The following GRIK4 variants were observed in gnomAD, a reference collection of about 807,000 sequenced individuals.
GRIK4 encodes glutamate receptor ionotropic, kainate 4.
In GRIK4, 40 loss-of-function variants were observed where a neutral mutation model predicts 104.9. The observed-to-expected ratio is 0.38, with a 90% confidence interval of 0.30 to 0.50. The LOEUF is 0.50. Ranked by LOEUF, GRIK4 falls within the 20% of genes least tolerant of loss-of-function variation. The pLI is 0.93. For missense variants in GRIK4, 1,047 were observed against 1,308.1 expected, an observed-to-expected ratio of 0.80 and a Z score of 3.08; for synonymous variants, 485 against 524.9, an observed-to-expected ratio of 0.92 and a Z score of 1.04.
intron 3 of GRIK4, among the ~76,000 whole-genome samples, chr11:120,692,333 G>A (rs759306475): frequency 1.1e-4 from 17 of 152,204 alleles, no homozygotes; most frequent in Non-Finnish European, 2.1e-4. Flanking sequence ...ACAGTTACTC[G>A]TTTAAAACCT....
intron 9 of GRIK4, chr11:120,871,632 AG>A (rs1565405877): frequency 2.2e-6 from 1 of 456,360 alleles, no homozygotes; most frequent in Non-Finnish European, 4.4e-6. Context: ...GAGTTGGAGC[AG>A]GGGAGGCAGG....
chr11:120,962,790 A>G (rs1384724461), intron 18 of GRIK4, 109 bp downstream of exon 18: 8 of 677,030 alleles, frequency 1.2e-5, no homozygotes, highest in Non-Finnish European at 2.0e-5. Context: ...TGTTAGAACC[A>G]GTTTAACAGT....
chr11:120,570,229 T>G (rs1225425488), intron 1 of GRIK4, among the ~76,000 whole-genome samples: 1 of 152,194 alleles, frequency 6.6e-6, no homozygotes, highest in African/African-American at 2.4e-5. Context: ...AAAAAGCTAT[T>G]GTGATAATTA....
intron 1 of GRIK4, among the ~76,000 whole-genome samples, chr11:120,543,572 C>T (rs1948057802): frequency 6.6e-6 from 1 of 152,122 alleles, no homozygotes; most frequent in African/African-American, 2.4e-5. Context: ...GAGACTCCAT[C>T]TCAAAAGAAA....
chr11:120,831,742 C>G, intron 6 of GRIK4, 110 bp from the exon 7 acceptor site: 2 of 740,462 alleles, frequency 2.7e-6, no homozygotes, highest in Non-Finnish European at 4.5e-6. Context: ...TGGGGCCAGA[C>G]CCCCCGACCC....
At chr11:120,835,252 G>T (rs982081378) in intron 7 of GRIK4, among the ~76,000 whole-genome samples, 1 of 152,198 alleles carries the variant, frequency 6.6e-6, no homozygotes, top group Non-Finnish European at 1.5e-5. Flanking sequence ...AAGATTACAG[G>T]CGCGGTGCCT....
At chr11:120,972,837 G>A (rs1944497887) in intron 19 of GRIK4, among the ~76,000 whole-genome samples, 1 of 152,090 alleles carries the variant, frequency 6.6e-6, no homozygotes, top group Non-Finnish European at 1.5e-5. Context: ...CATATTTCTG[G>A]AGTTTGGCAA....
At chr11:120,906,219 A>G (rs1007752642) in intron 13 of GRIK4, among the ~76,000 whole-genome samples, 1 of 152,222 alleles carries the variant, frequency 6.6e-6, no homozygotes, top group Non-Finnish European at 1.5e-5. Flanking sequence ...TAATTAAGTC[A>G]TTGGGAATTC....
chr11:120,602,367 A>AG (rs1240693553), intron 1 of GRIK4, among the ~76,000 whole-genome samples: 4 of 152,212 alleles, frequency 2.6e-5, no homozygotes, highest in Non-Finnish European at 5.9e-5. Flanking sequence ...CTGGCTCCCC[A>AG]GGGGACTGTT....
intron 3 of GRIK4, among the ~76,000 whole-genome samples, chr11:120,741,521 G>A (rs886926093): frequency 4.6e-5 from 7 of 151,776 alleles, no homozygotes; most frequent in East Asian, 3.9e-4. Context: ...CTCGTGATCC[G>A]CCCGCCTCAG....
chr11:120,520,100 C>G (rs1382982921), intron 1 of GRIK4, among the ~76,000 whole-genome samples: 2 of 152,070 alleles, frequency 1.3e-5, no homozygotes, highest in African/African-American at 4.8e-5. Flanking sequence ...ACCATGTTGG[C>G]CAGGCTGGTC....
chr11:120,844,117 C>G (rs185965297), intron 8 of GRIK4, among the ~76,000 whole-genome samples: 193 of 152,130 alleles, frequency 1.3e-3, no homozygotes, highest in Admixed American at 5.2e-3. Flanking sequence ...TTTGAAATTG[C>G]TAAAATTATT....
intron 4 of GRIK4, among the ~76,000 whole-genome samples, chr11:120,803,235 C>T (rs1376490012): frequency 6.6e-6 from 1 of 152,168 alleles, no homozygotes; most frequent in Non-Finnish European, 1.5e-5. Flanking sequence ...TGACTGCTTA[C>T]CTTGCTTCCT....
chr11:120,940,415 G>A lies in GRIK4; in HGVS notation c.1545G>A (p.Lys515=). ...GGGAGAAGGTGATTGATTTCTCTAAGCCATTCATGACTCTGGGAATTAGCA... is the reference window on the plus strand; with the variant it reads ...GGGAGAAGGTGATTGATTTCTCTAAACCATTCATGACTCTGGGAATTAGCA... ...AEREKVIDFS[K]PFMTLGISIL... Residue 515 remains lysine, a synonymous_variant, in exon 14 of 21, where the codon AAG becomes AAA. Coordinates refer to ENST00000527524, the MANE Select transcript of GRIK4 (RefSeq NM_014619.5). The surrounding 1 kb of genome is among the most constrained non-coding windows in gnomAD (Gnocchi z 4.3). The A allele has an allele frequency of 6.2e-7, 1 of 1,613,296 alleles. No homozygotes were observed. Among genetic ancestry groups the A allele is most frequent in the Non-Finnish European group, 8.5e-7 (1 of 1,179,254 alleles).
chr11:120,871,977 T>C (rs749711883), intron 9 of GRIK4: 13 of 451,916 alleles, frequency 2.9e-5, no homozygotes, highest in Non-Finnish European at 5.3e-5. Context: ...TGGCCCAACA[T>C]GTAGCAAAAC....
At chr11:120,572,301 A>T (rs1241084144) in intron 1 of GRIK4, among the ~76,000 whole-genome samples, 2 of 152,184 alleles carry the variant, frequency 1.3e-5, no homozygotes, top group Admixed American at 6.5e-5. Context: ...ATTTTGAGGG[A>T]TGACACAAAC....
chr11:120,757,312 G>A (rs1411700772), intron 3 of GRIK4, among the ~76,000 whole-genome samples: 1 of 152,252 alleles, frequency 6.6e-6, no homozygotes, highest in Non-Finnish European at 1.5e-5. Context: ...GCCAATGGGA[G>A]TAGCATGGGC....
At chr11:120,724,540 C>T (rs928487514) in intron 3 of GRIK4, among the ~76,000 whole-genome samples, 2 of 152,060 alleles carry the variant, frequency 1.3e-5, no homozygotes, top group East Asian at 1.9e-4. Context: ...TGAATGTGCC[C>T]GGCCTGGTAC....
At chr11:120,642,683 C>G (rs1295573454) in intron 1 of GRIK4, among the ~76,000 whole-genome samples, 1 of 152,186 alleles carries the variant, frequency 6.6e-6, no homozygotes, top group Admixed American at 6.5e-5. Flanking sequence ...GAAGCAGAGC[C>G]TGGCATCCTG....
Sources: allele counts gnomAD v4.1 joint callset (sites outside exome capture counted in the v4.1 genomes callset), GRCh38; gene constraint gnomAD v4.1.1; non-coding constraint Gnocchi (gnomAD v3.1); transcripts MANE v1.5; gene names NCBI Gene and HGNC (gene_info 2026-07-23, HGNC 2026-07-21).